The following HDLBP variants were observed in gnomAD, a reference collection of about 807,000 sequenced individuals.
HDLBP encodes high density lipoprotein binding protein.
Under a neutral mutation model 137.3 loss-of-function variants are expected in HDLBP, and 30 were observed. The ratio of observed to expected loss-of-function variants is 0.22; its 90% CI spans 0.16 to 0.30. HDLBP has a LOEUF of 0.30. Among genes scored for constraint, HDLBP ranks in the 10% least tolerant of loss-of-function variants. The probability of loss-of-function intolerance (pLI) is 1.00; values close to 1 mark genes in which losing one functional copy is unlikely to be tolerated. For missense variants in HDLBP, 1,119 were observed against 1,667.3 expected, an observed-to-expected ratio of 0.67 and a Z score of 5.73; for synonymous variants, 606 against 596.0, an observed-to-expected ratio of 1.02 and a Z score of -0.24.
rs759322405 is a variant in HDLBP, at chr2:241,306,889, T to TA, written c.-103+8680dup. 4.4e-3 allele frequency among the ~76,000 whole-genome samples: 306 copies of TA among 68,894 alleles called. 4 individuals are homozygous for TA. Among genetic ancestry groups the TA allele is most frequent in the Non-Finnish European group, 6.0e-3 (187 of 31,362 alleles). The allele number at this position is 68,894 out of a possible 152,430, so 45.2% of individuals were successfully genotyped here. A position where few individuals can be genotyped will look rare whatever the true frequency, so the allele number is the denominator to read the frequency against. ...AGGGAGAGACTCTGTCTCAATAAATTAAAAAAAAAAAAAAAAGTATCCCAA... is the reference window on the plus strand; with the variant it reads ...AGGGAGAGACTCTGTCTCAATAAATTAAAAAAAAAAAAAAAAAGTATCCCAA... On this transcript the variant is annotated intron_variant, in intron 1 of 27. Coordinates refer to ENST00000310931, the MANE Select transcript of HDLBP (RefSeq NM_005336.6).
At chr2:241,249,726 T>C (rs2071969906) in intron 12 of HDLBP, 115 bp downstream of exon 12, 1 of 1,022,332 alleles carries the variant, frequency 9.8e-7, no homozygotes, top group Non-Finnish European at 1.4e-6. Flanking sequence ...CAGTGCAACG[T>C]GGGATTTGTC....
chr2:241,229,851 G>C lies in HDLBP; in HGVS notation c.3702C>G (p.Thr1234=). The change falls in exon 27 of 28, where the codon ACC becomes ACG. Residue 1234 remains threonine, a synonymous_variant. Transcript: ENST00000310931. ...ATCTGACCTTCTCACTGCTGCTGGC[G>C]GTCCAGGGTGCGTCCCGCACCACAA... ...RGFVVRDAPW[T]ASSSEKAPDM... is the part of the protein sequence containing the mutation. The C allele has an allele frequency of 6.3e-7, 1 of 1,579,650 alleles. No individual in the cohort carries two copies. The highest frequency in any genetic ancestry group is 8.6e-7 in the Non-Finnish European group (1 of 1,162,640).
At position 241,315,620 on chromosome 2, in the gene HDLBP, G is replaced by C. The variant is rs1211695826; in HGVS notation, c.-153C>G. ...AAACCGAGCTCATAAGGTAGGAACTGTGGCGAAACAGGGACAAGCCGCCAT... is the reference window on the plus strand; with the variant it reads ...AAACCGAGCTCATAAGGTAGGAACTCTGGCGAAACAGGGACAAGCCGCCAT... On this transcript the variant is annotated 5_prime_UTR_variant, in exon 1 of 28. Coordinates refer to ENST00000310931, the MANE Select transcript of HDLBP (RefSeq NM_005336.6). 1.3e-5 allele frequency: 2 copies of C among 152,384 alleles called. No homozygotes were observed. The highest frequency in any genetic ancestry group is 2.9e-5 in the Non-Finnish European group (2 of 68,186). The allele number at this position is 152,384 out of a possible 1,614,324, so 9.4% of individuals were successfully genotyped here.
chr2:241,247,083 A>G lies in HDLBP; in HGVS notation c.1791T>C (p.Ile597=). 1 of 1,613,422 alleles carries G rather than the reference A, an allele frequency of 6.2e-7. No individual in the cohort carries two copies. Among genetic ancestry groups the G allele is most frequent in the Non-Finnish European group, 8.5e-7 (1 of 1,179,306 alleles). The change falls in exon 15 of 28, where the codon ATT becomes ATC. Residue 597 remains isoleucine, a synonymous_variant. Coordinates refer to ENST00000310931, the MANE Select transcript of HDLBP (RefSeq NM_005336.6). ...PIFKQFHKNI[I]GKGGANIKKI... ...TTTTAATGTTTGCGCCTCCTTTCCC[A>G]ATGATATTCTTGTGAAACTGTTTGA...
At chr2:241,261,202 A>AAC (rs2073143636) in intron 5 of HDLBP, among the ~76,000 whole-genome samples, 1 of 151,400 alleles carries the variant, frequency 6.6e-6, no homozygotes. Context: ...CTCAAAAAAA[A>AAC]AAAAAAAAAA....
At position 241,308,479 on chromosome 2, in the gene HDLBP, G is replaced by A. The variant is rs542831814; in HGVS notation, c.-103+7091C>T. The stretch of plus-strand genomic sequence containing the variant: ...CTCAATTAGTCACACAGTAGACAAC[G>A]TAAGCTGATGACCTGAGACACCTCA... On this transcript the variant is annotated intron_variant, in intron 1 of 27. Coordinates refer to ENST00000310931, the MANE Select transcript of HDLBP (RefSeq NM_005336.6). Among the ~76,000 whole-genome samples, 3 of 152,318 alleles carry A rather than the reference G, an allele frequency of 2.0e-5. No individual in the cohort carries two copies. In the East Asian group the frequency reaches 5.8e-4, roughly 29 times the overall value.
chr2:241,297,715 T>TA (rs1284628608), intron 1 of HDLBP, among the ~76,000 whole-genome samples: 2 of 151,858 alleles, frequency 1.3e-5, no homozygotes, highest in African/African-American at 4.8e-5. Flanking sequence ...GAGCCCAGAA[T>TA]ATCCTGTGGT....
intron 1 of HDLBP, among the ~76,000 whole-genome samples, chr2:241,277,902 C>G (rs927821428): frequency 1.3e-5 from 2 of 151,578 alleles, no homozygotes; most frequent in Non-Finnish European, 2.9e-5. Context: ...TGGAGGTTGC[C>G]GTGGGCCGAG....
rs554899185 is a variant in HDLBP, at chr2:241,235,433, C to T, written c.3009+57G>A. On this transcript the variant is annotated intron_variant, in intron 22 of 27. Coordinates refer to ENST00000310931, the MANE Select transcript of HDLBP (RefSeq NM_005336.6). ...GAAGTTGAGAAAGGACACTGGCACT[C>T]GGGAGAGGATGCGACAGGCCACTCC... The T allele has an allele frequency of 2.6e-5, 39 of 1,478,204 alleles. No individual in the cohort carries two copies. In the East Asian group the frequency reaches 3.9e-4, roughly 15 times the overall value. 91.6% of individuals were successfully genotyped at this position (1,478,204 alleles called of 1,614,324 possible). A position where few individuals can be genotyped will look rare whatever the true frequency, so the allele number is the denominator to read the frequency against.
At chr2:241,235,443 T>C in intron 22 of HDLBP, 47 bp downstream of exon 22, 3 of 1,500,124 alleles carry the variant, frequency 2.0e-6, no homozygotes, top group Non-Finnish European at 2.8e-6. Context: ...CGGGAGAGGA[T>C]GCGACAGGCC....
In HDLBP at chr2:241,277,867, AGGAGAATC is replaced by A. The variant is rs2074450920; in HGVS notation, c.-102-9334_-102-9327del. Among the ~76,000 whole-genome samples the A allele has an allele frequency of 2.6e-5, 4 of 152,206 alleles. No homozygotes were observed. The South Asian group carries it at 8.3e-4, about 32-fold the overall frequency. ...TCCCAGCTACTCAGGAGGCCGAGGC[AGGAGAATC>A]GCTTGTACCTGGGAGGTGGAGGTTG... On this transcript the variant is annotated intron_variant, in intron 1 of 27. Transcript: ENST00000310931.
Position 241,235,578 on chromosome 2 carries a change from G to C in HDLBP, c.2921C>G (p.Thr974Ser). The C allele has an allele frequency of 6.2e-7, 1 of 1,613,730 alleles. No individual in the cohort carries two copies. Among genetic ancestry groups the C allele is most frequent in the African/African-American group, 1.3e-5 (1 of 75,032 alleles). The stretch of plus-strand genomic sequence containing the variant: ...GTCAAAGGGCACCTCTACTTCAATG[G>C]TGACAGGAACCAATGCCTGCAGGGA... The part of the protein sequence containing the change: ...KEALEALVPV[T>S]IEVEVPFDLH... The change falls in exon 22 of 28, where the codon ACC (threonine) becomes AGC (serine). Residue 974 changes from threonine to serine, a missense_variant. Around this residue, in one of 4 missense-constraint regions of HDLBP, gnomAD observed 618 missense variants for 816.7 expected, o/e 0.76. Coordinates refer to ENST00000310931, the MANE Select transcript of HDLBP (RefSeq NM_005336.6).
chr2:241,273,127 G>A (rs1221865135), intron 1 of HDLBP: 1 of 985,410 alleles, frequency 1.0e-6, no homozygotes, highest in Non-Finnish European at 1.2e-6. Flanking sequence ...TGCTCTGGAA[G>A]CAGATGTCAC....
chr2:241,229,429 T>G lies in HDLBP; in HGVS notation c.*172A>C. ...GGTCCTGAGCGGGCACGGCCAGGCC[T>G]GGAGGAGCGGCCGCACACACAGCCA... On this transcript the variant is annotated 3_prime_UTR_variant, in exon 28 of 28. Transcript: ENST00000310931. The G allele has an allele frequency of 1.7e-6, 1 of 574,774 alleles. No individual in the cohort carries two copies. Among genetic ancestry groups the G allele is most frequent in the Non-Finnish European group, 3.1e-6 (1 of 319,630 alleles). 35.6% of individuals were successfully genotyped at this position (574,774 alleles called of 1,614,324 possible).
At chr2:241,244,475 A>G (rs538049169) in intron 16 of HDLBP, among the ~76,000 whole-genome samples, 99 of 152,354 alleles carry the variant, frequency 6.5e-4, no homozygotes, top group African/African-American at 2.4e-3. Flanking sequence ...GGACAGAGGA[A>G]CAAAGCCAGG....
At chr2:241,278,014 T>C (rs1457678032) in intron 1 of HDLBP, among the ~76,000 whole-genome samples, 1 of 152,072 alleles carries the variant, frequency 6.6e-6, no homozygotes, top group African/African-American at 2.4e-5. Context: ...AAGGCGGGTC[T>C]CCAAATGCTT....
intron 1 of HDLBP, among the ~76,000 whole-genome samples, chr2:241,284,118 G>A (rs951020044): frequency 6.6e-6 from 1 of 152,186 alleles, no homozygotes; most frequent in Non-Finnish European, 1.5e-5. Flanking sequence ...ACAAGGAGAT[G>A]AATGTTGTTT....
intron 2 of HDLBP, chr2:241,267,653 G>A: frequency 6.5e-7 from 1 of 1,535,654 alleles, no homozygotes; most frequent in Non-Finnish European, 8.7e-7. Context: ...GTGCATCCAG[G>A]CCCCAAACTA....
intron 1 of HDLBP, among the ~76,000 whole-genome samples, chr2:241,290,929 T>C (rs960009601): frequency 2.0e-5 from 3 of 152,026 alleles, no homozygotes; most frequent in Non-Finnish European, 4.4e-5. Flanking sequence ...GTATGAAAAA[T>C]ATGTGCCATG....
Sources: allele counts gnomAD v4.1 joint callset (sites outside exome capture counted in the v4.1 genomes callset), GRCh38; gene constraint gnomAD v4.1.1; regional missense constraint gnomAD v4.1.1; transcripts MANE v1.5; gene names NCBI Gene and HGNC (gene_info 2026-07-23, HGNC 2026-07-21).